The following NUFIP2 variants were observed in gnomAD, a reference collection of about 807,000 sequenced individuals.
NUFIP2 encodes nuclear FMR1 interacting protein 2.
NUFIP2 carries 6 observed loss-of-function variants against 56.9 expected under a neutral mutation model. The ratio of observed to expected loss-of-function variants is 0.11; its 90% confidence interval spans 0.06 to 0.21. The LOEUF (loss-of-function observed/expected upper bound fraction) is 0.21. Among genes scored for constraint, NUFIP2 ranks in the 10% least tolerant of loss-of-function variants. The pLI is 1.00. For missense variants in NUFIP2, 828 were observed against 826.8 expected, an observed-to-expected ratio of 1.00 and a Z score of -0.02; for synonymous variants, 321 against 298.2, an observed-to-expected ratio of 1.08 and a Z score of -0.79.
intron 2 of NUFIP2, among the ~76,000 whole-genome samples, chr17:29,269,569 C>T (rs1447678388): frequency 6.6e-6 from 1 of 151,392 alleles, no homozygotes; most frequent in Non-Finnish European, 1.5e-5. Flanking sequence ...AGTACAGTGG[C>T]ATAATCATGG....
intron 2 of NUFIP2, among the ~76,000 whole-genome samples, 157 bp from the exon 3 acceptor site, chr17:29,267,687 A>G (rs1252543908): frequency 6.6e-6 from 1 of 152,170 alleles, no homozygotes; most frequent in Non-Finnish European, 1.5e-5. Context: ...TAAAGCATTC[A>G]TATTTTCCTA....
At position 29,261,280 on chromosome 17, in the gene NUFIP2, T is replaced by C. The variant is rs2069000953; in HGVS notation, c.*3259A>G. 6.6e-6 allele frequency: 1 copy of C among 152,184 alleles called. No individual in the cohort carries two copies. The highest frequency in any genetic ancestry group is 1.5e-5 in the Non-Finnish European group (1 of 68,002). 9.4% of individuals were successfully genotyped at this position (152,184 alleles called of 1,614,324 possible). A position where few individuals can be genotyped will look rare whatever the true frequency, so the allele number is the denominator to read the frequency against. ...TTAAGGATTTAAACCACCTGACTTT[T>C]TTCTGTGTAATGAAAACAAATGGCA... On this transcript the variant is annotated 3_prime_UTR_variant, in exon 4 of 4. Coordinates refer to ENST00000225388, the MANE Select transcript of NUFIP2 (RefSeq NM_020772.3).
chr17:29,290,493 A>G (rs556475968), intron 1 of NUFIP2, among the ~76,000 whole-genome samples: 3 of 151,036 alleles, frequency 2.0e-5, no homozygotes, highest in Admixed American at 2.0e-4. Context: ...TATCTCTACT[A>G]AAAAAAAGAA....
chr17:29,281,043 C>T (rs2069136603), intron 2 of NUFIP2, among the ~76,000 whole-genome samples: 1 of 152,020 alleles, frequency 6.6e-6, no homozygotes, highest in Non-Finnish European at 1.5e-5. Flanking sequence ...ACCTGTAATC[C>T]TAGCACTTTG....
At chr17:29,283,135 A>ATAGGGTG (rs1177160341) in intron 2 of NUFIP2, among the ~76,000 whole-genome samples, 1 of 152,192 alleles carries the variant, frequency 6.6e-6, no homozygotes, top group Non-Finnish European at 1.5e-5. Flanking sequence ...TACCAGCAAA[A>ATAGGGTG]CTAAATATAA....
In NUFIP2 at chr17:29,287,152, T is replaced by C; in HGVS notation, c.842A>G (p.Lys281Arg). The C allele has an allele frequency of 6.2e-7, 1 of 1,614,196 alleles. No individual in the cohort carries two copies. The highest frequency in any genetic ancestry group is 8.5e-7 in the Non-Finnish European group (1 of 1,180,012). Residue 281 changes from lysine (K) to arginine (R), a missense_variant, in exon 2 of 4, where the codon AAG becomes AGG. Around this residue, in one of 3 missense-constraint regions of NUFIP2, gnomAD observed 415 missense variants for 408.7 expected, o/e 1.02. Transcript: ENST00000225388. Reference sequence around the variant, plus strand: ...TGTTCCTCCAGGCCCAGTTTCATACTTCCAAATGGGCTTCGAACCATCTAC... The same window carrying C: ...TGTTCCTCCAGGCCCAGTTTCATACCTCCAAATGGGCTTCGAACCATCTAC... ...NRVDGSKPIW[K>R]YETGPGGTSR...
chr17:29,280,043 CCT>C (rs1464102247), intron 2 of NUFIP2, among the ~76,000 whole-genome samples: 1 of 152,164 alleles, frequency 6.6e-6, no homozygotes, highest in African/African-American at 2.4e-5. Context: ...GTCTCAAACT[CCT>C]GACCTCAGGT....
At position 29,259,630 on chromosome 17, in the gene NUFIP2, G is replaced by A. The variant is rs976686764; in HGVS notation, c.*4909C>T. 3.5e-5 allele frequency: 5 copies of A among 144,234 alleles called. No individual in the cohort carries two copies. The East Asian group carries it at 6.2e-4, about 18-fold the overall frequency. The allele number at this position is 144,234 out of a possible 1,614,324, so 8.9% of individuals were successfully genotyped here. Reference sequence around the variant, plus strand: ...ACTGCAGTATTATAAAATGGCTTTAGAACTCTGCACATAACAAAATTGTAT... The same window carrying A: ...ACTGCAGTATTATAAAATGGCTTTAAAACTCTGCACATAACAAAATTGTAT... On this transcript the variant is annotated 3_prime_UTR_variant, in exon 4 of 4. Transcript: ENST00000225388.
In NUFIP2 at chr17:29,282,086, G is replaced by A. The variant is rs1354170964; in HGVS notation, c.2002+3906C>T. On this transcript the variant is annotated intron_variant, in intron 2 of 3. Coordinates refer to ENST00000225388, the MANE Select transcript of NUFIP2 (RefSeq NM_020772.3). ...ACAAATCCCCTTTTTATGCTCTATTGTATCTTTACTTCATACCCTCAATTG... is the reference window on the plus strand; with the variant it reads ...ACAAATCCCCTTTTTATGCTCTATTATATCTTTACTTCATACCCTCAATTG... Among the ~76,000 whole-genome samples, 5 of 151,856 alleles carry A rather than the reference G, an allele frequency of 3.3e-5. No homozygotes were observed. In the South Asian group the frequency reaches 6.2e-4, roughly 19 times the overall value.
At chr17:29,285,935 T>C in intron 2 of NUFIP2, 57 bp downstream of exon 2, 5 of 1,304,802 alleles carry the variant, frequency 3.8e-6, no homozygotes, top group Non-Finnish European at 5.3e-6. Context: ...TCTCTTAATA[T>C]AAACAATATA....
chr17:29,286,019 T>G lies in NUFIP2; in HGVS notation c.1975A>C (p.Arg659=), dbSNP rs2069171226. Residue 659 remains arginine (R), a synonymous_variant, in exon 2 of 4, where the codon AGG becomes CGG. Coordinates refer to ENST00000225388, the MANE Select transcript of NUFIP2 (RefSeq NM_020772.3). ...RNDSWGSFDL[R]AAIVYHTKEM... Reference sequence around the variant, plus strand: ...TTAGTGTGATATACAATAGCAGCCCTCAGGTCAAAAGAACCCCAGCTATCA... The same window carrying G: ...TTAGTGTGATATACAATAGCAGCCCGCAGGTCAAAAGAACCCCAGCTATCA... The G allele has an allele frequency of 3.5e-5, 57 of 1,613,340 alleles. No individual in the cohort carries two copies. The highest frequency in any genetic ancestry group is 4.7e-5 in the Non-Finnish European group (56 of 1,179,626).
At chr17:29,281,357 C>T (rs1304738795) in intron 2 of NUFIP2, among the ~76,000 whole-genome samples, 4 of 149,178 alleles carry the variant, frequency 2.7e-5, no homozygotes, top group African/African-American at 4.9e-5. Context: ...CTGGGCATTG[C>T]GGTGCACACC....
Position 29,293,115 on chromosome 17 carries a change from G to A in NUFIP2, c.277+668C>T, listed in dbSNP as rs566257056. On this transcript the variant is annotated intron_variant, in intron 1 of 3. Coordinates refer to ENST00000225388, the MANE Select transcript of NUFIP2 (RefSeq NM_020772.3). ...AGAACATTCCAGCCGCGCCGGCTCT[G>A]GGGGGAGCGGGCGCGGGGCGCCGGC... Among the ~76,000 whole-genome samples, 8 of 151,846 alleles carry A rather than the reference G, an allele frequency of 5.3e-5. 1 individual carries two copies. The South Asian group carries it at 6.2e-4, about 12-fold the overall frequency.
chr17:29,272,984 G>A (rs771245256), intron 2 of NUFIP2, among the ~76,000 whole-genome samples: 5 of 150,558 alleles, frequency 3.3e-5, no homozygotes, highest in Non-Finnish European at 4.4e-5. Flanking sequence ...CAAATAGCTG[G>A]GATTACAGGC....
In NUFIP2 at chr17:29,257,308, G is replaced by A. The variant is rs915336099; in HGVS notation, c.*7231C>T. ...AACAGCAAAGTAGTAAGGACAAATCGGTCACTTTTGGTAATGACACACAAA... is the reference window on the plus strand; with the variant it reads ...AACAGCAAAGTAGTAAGGACAAATCAGTCACTTTTGGTAATGACACACAAA... On this transcript the variant is annotated 3_prime_UTR_variant, in exon 4 of 4. Coordinates refer to ENST00000225388, the MANE Select transcript of NUFIP2 (RefSeq NM_020772.3). 3 of 152,072 alleles carry A rather than the reference G, an allele frequency of 2.0e-5. No individual in the cohort carries two copies. The highest frequency in any genetic ancestry group is 1.9e-4 in the East Asian group (1 of 5,200). 9.4% of individuals were successfully genotyped at this position (152,072 alleles called of 1,614,324 possible).
chr17:29,263,195 C>T lies in NUFIP2; in HGVS notation c.*1344G>A, dbSNP rs957479642. 2.0e-5 allele frequency: 3 copies of T among 152,386 alleles called. No individual in the cohort carries two copies. Among genetic ancestry groups the T allele is most frequent in the African/African-American group, 7.2e-5 (3 of 41,416 alleles). The allele number at this position is 152,386 out of a possible 1,614,324, so 9.4% of individuals were successfully genotyped here. A position where few individuals can be genotyped will look rare whatever the true frequency, so the allele number is the denominator to read the frequency against. On this transcript the variant is annotated 3_prime_UTR_variant, in exon 4 of 4. Coordinates refer to ENST00000225388, the MANE Select transcript of NUFIP2 (RefSeq NM_020772.3). ...CCAATCTCAATTGGACCCTTAATTT[C>T]TGCACACACACACAAAAATTTATTT...
intron 2 of NUFIP2, among the ~76,000 whole-genome samples, chr17:29,280,814 C>G (rs868540256): frequency 1.3e-5 from 2 of 151,956 alleles, no homozygotes; most frequent in Non-Finnish European, 2.9e-5. Flanking sequence ...GGCGAAACCC[C>G]GTCTCTACTA....
chr17:29,268,988 C>T (rs934256608), intron 2 of NUFIP2, among the ~76,000 whole-genome samples: 1 of 152,152 alleles, frequency 6.6e-6, no homozygotes, highest in Middle Eastern at 3.4e-3. Context: ...CAAATTATAG[C>T]GACATACACA....
chr17:29,276,631 C>T (rs1598432492), intron 2 of NUFIP2, among the ~76,000 whole-genome samples: 1 of 152,252 alleles, frequency 6.6e-6, no homozygotes, highest in Non-Finnish European at 1.5e-5. Context: ...AGCCACTGTG[C>T]CCAGCCAACA....
Sources: allele counts gnomAD v4.1 joint callset (sites outside exome capture counted in the v4.1 genomes callset), GRCh38; gene constraint gnomAD v4.1.1; regional missense constraint gnomAD v4.1.1; transcripts MANE v1.5; gene names NCBI Gene and HGNC (gene_info 2026-07-23, HGNC 2026-07-21).